CRACD: variants seen among roughly 807,000 people sequenced by gnomAD.
CRACD encodes the protein capping protein inhibiting regulator of actin dynamics.
CRACD carries 56 observed loss-of-function variants against 106.8 expected under a neutral mutation model. The ratio of observed to expected loss-of-function variants is 0.52; its 90% CI spans 0.42 to 0.66. The LOEUF (loss-of-function observed/expected upper bound fraction) is 0.66. Among genes scored for constraint, CRACD ranks in the 30% least tolerant of loss-of-function variants. The pLI is 0.00. For synonymous variants in CRACD, 754 were observed against 670.8 expected (o/e 1.12, Z -1.92); for missense variants, 1,730 against 1,623.2 (o/e 1.07, Z -1.13).
chr4:56,199,388 C>G (rs756528344), intron 2 of CRACD, among the ~76,000 whole-genome samples: 4 of 151,990 alleles, frequency 2.6e-5, no homozygotes, highest in Non-Finnish European at 4.4e-5. Context: ...GAGTAACAGA[C>G]TTAAAGAGAA....
rs900775728 is a variant in CRACD at position 56,301,142 on chromosome 4, T to C, written c.120+2793T>C. The C allele has an allele frequency of 2.7e-5, 24 of 897,876 alleles. No homozygotes were observed. In the South Asian group the frequency reaches 3.0e-4, roughly 11 times the overall value. The allele number at this position is 897,876 out of a possible 1,614,324, so 55.6% of individuals were successfully genotyped here. On this transcript the variant is annotated intron_variant, in intron 4 of 10. Transcript: ENST00000682029. The stretch of plus-strand genomic sequence containing the variant: ...CTTTGAGGAGGGAAATGGGGACCAT[T>C]ATCATAGAAAATGTGATTTTTTTTT...
intron 1 of CRACD, among the ~76,000 whole-genome samples, chr4:56,060,394 G>C (rs191989521): frequency 6.0e-4 from 92 of 152,224 alleles, no homozygotes; most frequent in African/African-American, 2.2e-3. Flanking sequence ...ACTCGTAACA[G>C]GGTAGAATAA....
Position 56,319,989 on chromosome 4 carries a change from A to G in CRACD, c.3187+3300A>G, listed in dbSNP as rs569310093. 3.9e-5 allele frequency among the ~76,000 whole-genome samples: 6 copies of G among 152,222 alleles called. No homozygotes were observed. In the East Asian group the frequency reaches 9.7e-4, roughly 25 times the overall value. On this transcript the variant is annotated intron_variant, in intron 8 of 10. Coordinates refer to ENST00000682029, the MANE Select transcript of CRACD (RefSeq NM_001393381.1). ...GGAGTTCAAGACCAGCCTGGCCAACATGGTGAAACCCTGTCTCTACTAAAA... is the reference window on the plus strand; with the variant it reads ...GGAGTTCAAGACCAGCCTGGCCAACGTGGTGAAACCCTGTCTCTACTAAAA...
At chr4:56,252,976 T>G (rs1237457762) in intron 2 of CRACD, among the ~76,000 whole-genome samples, 2 of 152,194 alleles carry the variant, frequency 1.3e-5, no homozygotes, top group Non-Finnish European at 2.9e-5. Flanking sequence ...GAGGTTCACA[T>G]GTTAGTCACT....
rs752556738 is a variant in CRACD, at chr4:56,327,854, C to G, written c.*50C>G. ...TGCCAGTTATTGGCTCCTCTCTTGCCCTTTTTATTTATTTATTTTTTATAT... is the reference window on the plus strand; with the variant it reads ...TGCCAGTTATTGGCTCCTCTCTTGCGCTTTTTATTTATTTATTTTTTATAT... On this transcript the variant is annotated 3_prime_UTR_variant, in exon 11 of 11. Transcript: ENST00000682029. The G allele has an allele frequency of 6.7e-7, 1 of 1,497,098 alleles. No homozygotes were observed. 92.7% of individuals were successfully genotyped at this position (1,497,098 alleles called of 1,614,324 possible). A position where few individuals can be genotyped will look rare whatever the true frequency, so the allele number is the denominator to read the frequency against.
chr4:56,279,692 G>A (rs1742904129), intron 3 of CRACD, among the ~76,000 whole-genome samples: 1 of 152,148 alleles, frequency 6.6e-6, no homozygotes, highest in Admixed American at 6.6e-5. Flanking sequence ...GTACACTGTT[G>A]GTGGGACTGT....
rs137892419 is a variant in CRACD at position 56,108,471 on chromosome 4, A to G, written c.-336+59172A>G. 3.2e-3 allele frequency among the ~76,000 whole-genome samples: 483 copies of G among 152,326 alleles called. 4 individuals are homozygous for G. Among genetic ancestry groups the G allele is most frequent in the African/African-American group, 0.011 (463 of 41,576 alleles). ...TCCCTGTCATGTAGGGACAAGCCCT[A>G]CGGGGCTTAGCGGGTGTTCTCCCCG... is the stretch of plus-strand genomic sequence containing the variant. On this transcript the variant is annotated intron_variant, in intron 1 of 10. Transcript: ENST00000682029.
intron 1 of CRACD, among the ~76,000 whole-genome samples, chr4:56,135,767 A>G (rs552828964): frequency 5.3e-5 from 8 of 152,248 alleles, no homozygotes; most frequent in Non-Finnish European, 8.8e-5. Flanking sequence ...TGAACTGCAC[A>G]TATTTAAAAA....
In CRACD at chr4:56,189,706, T is replaced by C. The variant is rs554513623; in HGVS notation, c.-189+10276T>C. The stretch of plus-strand genomic sequence containing the variant: ...GAATGATGGTTTCCAGCTTCATCCA[T>C]GCCCCTACAAAGGACATGAACTCAT... On this transcript the variant is annotated intron_variant, in intron 2 of 10. Transcript: ENST00000682029. Among the ~76,000 whole-genome samples, 308 of 151,624 alleles carry C rather than the reference T, an allele frequency of 2.0e-3. 1 individual carries two copies. Among genetic ancestry groups the C allele is most frequent in the African/African-American group, 7.2e-3 (299 of 41,348 alleles).
chr4:56,137,638 A>G (rs548589844), intron 1 of CRACD, among the ~76,000 whole-genome samples: 2 of 152,346 alleles, frequency 1.3e-5, no homozygotes, highest in East Asian at 3.9e-4. Context: ...TATGGCCAGA[A>G]CTCAGGTAAC....
intron 2 of CRACD, among the ~76,000 whole-genome samples, chr4:56,207,931 C>T (rs1738211264): frequency 6.6e-6 from 1 of 151,144 alleles, no homozygotes; most frequent in African/African-American, 2.4e-5. Context: ...AAGTGATCCT[C>T]CTGCCTCAGT....
chr4:56,130,860 T>C (rs925542607), intron 1 of CRACD, among the ~76,000 whole-genome samples: 1 of 152,134 alleles, frequency 6.6e-6, no homozygotes, highest in Non-Finnish European at 1.5e-5. Context: ...CCACTTCCCC[T>C]CTCCACCTCT....
chr4:56,090,008 T>C (rs980394023), intron 1 of CRACD, among the ~76,000 whole-genome samples: 6 of 152,162 alleles, frequency 3.9e-5, no homozygotes, highest in African/African-American at 1.4e-4. Context: ...TTTCATTTGC[T>C]TAACCAAAAT....
intron 2 of CRACD, among the ~76,000 whole-genome samples, chr4:56,249,971 C>T (rs1421318238): frequency 6.6e-6 from 1 of 152,142 alleles, no homozygotes; most frequent in African/African-American, 2.4e-5. Flanking sequence ...CTGCCATCTG[C>T]CAGTGAGATC....
At chr4:56,254,906 C>T (rs929553713) in intron 2 of CRACD, among the ~76,000 whole-genome samples, 13 of 151,614 alleles carry the variant, frequency 8.6e-5, no homozygotes, top group African/African-American at 3.1e-4. Context: ...ATTTTTGAGA[C>T]CAGCCTGGCC....
At chr4:56,075,690 A>G (rs1043718012) in intron 1 of CRACD, among the ~76,000 whole-genome samples, 5 of 152,174 alleles carry the variant, frequency 3.3e-5, no homozygotes, top group Admixed American at 3.3e-4. Context: ...GAATTTGCCT[A>G]TTCTGGACAT....
chr4:56,066,063 T>C (rs115599696), intron 1 of CRACD, among the ~76,000 whole-genome samples: 3,571 of 152,348 alleles, frequency 0.023, 61 homozygotes, highest in Admixed American at 0.058. Flanking sequence ...TGTATGGATA[T>C]ATCACATTTT....
At chr4:56,172,020 C>CTTTTTTTT (rs35574683) in intron 1 of CRACD, among the ~76,000 whole-genome samples, 2 of 106,392 alleles carry the variant, frequency 1.9e-5, no homozygotes, top group African/African-American at 3.5e-5. Context: ...GAGGGTTTCT[C>CTTTTTTTT]TTTTTTTTTT....
intron 1 of CRACD, among the ~76,000 whole-genome samples, chr4:56,058,970 G>A (rs1441070649): frequency 1.3e-5 from 2 of 152,070 alleles, no homozygotes; most frequent in Admixed American, 6.6e-5. Context: ...TGTGAAGGTT[G>A]GAGGAATGTT....
Sources: allele counts gnomAD v4.1 joint callset (sites outside exome capture counted in the v4.1 genomes callset), GRCh38; gene constraint gnomAD v4.1.1; transcripts MANE v1.5; gene names NCBI Gene and HGNC (gene_info 2026-07-23, HGNC 2026-07-21).